Variants in FAM78B observed in about 807,000 individuals in gnomAD.
FAM78B encodes protein FAM78B.
FAM78B carries 10 observed loss-of-function variants against 20.0 expected under a neutral mutation model. That is an observed-to-expected ratio of 0.50 (90% CI 0.31 to 0.85). The LOEUF (loss-of-function observed/expected upper bound fraction) is 0.85, where lower values mean the gene tolerates loss of function less well. Among genes scored for constraint, FAM78B ranks in the 40% least tolerant of loss-of-function variants. The pLI is 0.05. For synonymous variants in FAM78B, 135 were observed against 132.8 expected (o/e 1.02, Z -0.12); for missense variants, 283 against 345.0 (o/e 0.82, Z 1.42).
intron 1 of FAM78B, among the ~76,000 whole-genome samples, chr1:166,141,352 G>T (rs1655269971): frequency 6.6e-6 from 1 of 152,120 alleles, no homozygotes; most frequent in African/African-American, 2.4e-5. Context: ...ATCTAAGTGG[G>T]TTTTACTCCA....
chr1:166,088,435 T>C (rs1389649383), intron 1 of FAM78B, among the ~76,000 whole-genome samples: 1 of 152,136 alleles, frequency 6.6e-6, no homozygotes, highest in Non-Finnish European at 1.5e-5. Flanking sequence ...GAAAGAGCAC[T>C]GGGTTTGGAC....
At chr1:166,131,351 G>C (rs144691203) in intron 1 of FAM78B, among the ~76,000 whole-genome samples, 23 of 152,222 alleles carry the variant, frequency 1.5e-4, no homozygotes, top group African/African-American at 5.5e-4. Flanking sequence ...AAGACAGTGA[G>C]AGGCAATGTC....
chr1:166,109,920 A>ATATATATATATATATAT (rs1653984580), intron 1 of FAM78B, among the ~76,000 whole-genome samples: 4 of 108,362 alleles, frequency 3.7e-5, no homozygotes, highest in South Asian at 3.2e-4. Flanking sequence ...ATATATATAT[A>ATATATATATATATATAT]ATGGAATACT....
At chr1:166,099,846 T>C (rs181220755) in intron 1 of FAM78B, among the ~76,000 whole-genome samples, 5 of 152,286 alleles carry the variant, frequency 3.3e-5, no homozygotes, top group African/African-American at 9.6e-5. Flanking sequence ...GAATATTCCA[T>C]TGACAGCACT....
intron 1 of FAM78B, among the ~76,000 whole-genome samples, chr1:166,108,289 A>G (rs1257313073): frequency 6.6e-6 from 1 of 152,236 alleles, no homozygotes; most frequent in Non-Finnish European, 1.5e-5. Flanking sequence ...AAAAGAATTC[A>G]GCAAAGTTTC....
chr1:166,164,151 T>C (rs1210245288), intron 1 of FAM78B, among the ~76,000 whole-genome samples: 2 of 152,256 alleles, frequency 1.3e-5, no homozygotes, highest in East Asian at 1.9e-4. Flanking sequence ...CATAAGAGAT[T>C]TGAGGCAACA....
chr1:166,118,581 T>A (rs745876158), intron 1 of FAM78B, among the ~76,000 whole-genome samples: 14 of 152,170 alleles, frequency 9.2e-5, no homozygotes, highest in Non-Finnish European at 1.8e-4. Flanking sequence ...AACACAGCCA[T>A]GCTCATTCAT....
chr1:166,086,493 GTCA>G (rs2101730767), intron 1 of FAM78B, among the ~76,000 whole-genome samples: 1 of 152,294 alleles, frequency 6.6e-6, no homozygotes, highest in African/African-American at 2.4e-5. Context: ...AAGGGTCAAG[GTCA>G]TGAAAGCGGG....
At chr1:166,094,385 C>CTCA (rs1653196296) in intron 1 of FAM78B, among the ~76,000 whole-genome samples, 2 of 152,158 alleles carry the variant, frequency 1.3e-5, no homozygotes, top group South Asian at 4.1e-4. Flanking sequence ...AGGGCTCAGT[C>CTCA]TCATGCCATG....
intron 1 of FAM78B, among the ~76,000 whole-genome samples, chr1:166,078,844 G>T (rs1652442373): frequency 6.6e-6 from 1 of 152,068 alleles, no homozygotes. Flanking sequence ...TTTAAGCCTG[G>T]AGAGCTTCTA....
chr1:166,059,409 A>T (rs1651484841), exon 3 of FAM78B: 1 of 152,160 alleles, frequency 6.6e-6, no homozygotes, highest in African/African-American at 2.4e-5. Flanking sequence ...TTCCAACCCT[A>T]TTTTCACATT....
downstream of FAM78B, among the ~76,000 whole-genome samples, chr1:166,066,962 C>T (rs1651816982): frequency 7.8e-6 from 1 of 128,416 alleles, no homozygotes; most frequent in Non-Finnish European, 1.7e-5. Context: ...AGCGAAGGGC[C>T]CATATTAAGG....
At chr1:166,106,144 G>A (rs1415488665) in intron 1 of FAM78B, among the ~76,000 whole-genome samples, 1 of 147,238 alleles carries the variant, frequency 6.8e-6, no homozygotes, top group African/African-American at 2.5e-5. Context: ...CTCACAGGTG[G>A]GAATTGAACA....
chr1:166,134,465 G>C (rs1654999659), intron 1 of FAM78B, among the ~76,000 whole-genome samples: 2 of 151,982 alleles, frequency 1.3e-5, no homozygotes, highest in Admixed American at 1.3e-4. Context: ...CAAATCATTT[G>C]AGAGAGTTCT....
rs1491576767 is a variant in FAM78B at position 166,077,883 on chromosome 1, TAA to T, written c.264-7122_264-7121del. Among the ~76,000 whole-genome samples, 11 of 1,234 alleles carry T rather than the reference TAA, an allele frequency of 8.9e-3. 2 individuals carry two copies. In the East Asian group the frequency reaches 0.24, roughly 27 times the overall value. 0.8% of individuals were successfully genotyped at this position (1,234 alleles called of 152,430 possible). A position where few individuals can be genotyped will look rare whatever the true frequency, so the allele number is the denominator to read the frequency against. The stretch of plus-strand genomic sequence containing the variant: ...TAATTTATATATATAATTATATATA[TAA>T]TAAATATATATAATTTATATATATA... On this transcript the variant is annotated intron_variant, in intron 1 of 1. Coordinates refer to ENST00000354422, the MANE Select transcript of FAM78B (RefSeq NM_001017961.5).
At position 166,077,824 on chromosome 1, in the gene FAM78B, A is replaced by AAATATATATAATTTATATATATAAT. The variant is rs1553214939; in HGVS notation, c.264-7086_264-7062dup. Among the ~76,000 whole-genome samples, 37 of 83,610 alleles carry AAATATATATAATTTATATATATAAT rather than the reference A, an allele frequency of 4.4e-4. 15 individuals are homozygous for AAATATATATAATTTATATATATAAT. Among genetic ancestry groups the AAATATATATAATTTATATATATAAT allele is most frequent in the African/African-American group, 1.4e-3 (35 of 24,310 alleles). 54.9% of individuals were successfully genotyped at this position (83,610 alleles called of 152,430 possible). ...ATATATTTATATGTAGATTATATATAAATATATATAATTTATATATATAAT... is the reference window on the plus strand; with the variant it reads ...ATATATTTATATGTAGATTATATATAAATATATATAATTTATATATATAATAATATATATAATTTATATATATAAT... On this transcript the variant is annotated intron_variant, in intron 1 of 1. Transcript: ENST00000354422.
At chr1:166,145,199 G>A (rs1655413130) in intron 1 of FAM78B, among the ~76,000 whole-genome samples, 1 of 152,270 alleles carries the variant, frequency 6.6e-6, no homozygotes, top group East Asian at 1.9e-4. Context: ...ACAAACTAAG[G>A]AGGCCAAGCA....
chr1:166,128,964 G>C (rs947686797), intron 1 of FAM78B, among the ~76,000 whole-genome samples: 1 of 152,182 alleles, frequency 6.6e-6, no homozygotes, highest in African/African-American at 2.4e-5. Flanking sequence ...CATGGGAGGA[G>C]GTGAAGCAAG....
At chr1:166,140,439 A>G (rs1461234121) in intron 1 of FAM78B, among the ~76,000 whole-genome samples, 1 of 152,242 alleles carries the variant, frequency 6.6e-6, no homozygotes, top group Non-Finnish European at 1.5e-5. Flanking sequence ...AAGCCAGACA[A>G]CAGCATTACA....
Sources: gnomAD v4.1 joint callset for allele counts (sites outside exome capture counted in the v4.1 genomes callset) on GRCh38, gnomAD v4.1.1 for gene constraint, MANE v1.5 for transcripts, NCBI Gene and HGNC (gene_info 2026-07-23, HGNC 2026-07-21) for gene names.